The following SCAI variants were observed in gnomAD, a reference collection of about 807,000 sequenced individuals.
SCAI encodes the protein protein SCAI.
SCAI carries 24 observed loss-of-function variants against 92.2 expected under a neutral mutation model. That is an observed-to-expected ratio of 0.26 (90% CI 0.19 to 0.37). The LOEUF (loss-of-function observed/expected upper bound fraction) is 0.37. Ranked by LOEUF, SCAI falls within the 10% of genes least tolerant of loss-of-function variation. The pLI is 1.00. For missense variants in SCAI, 450 were observed against 736.2 expected (o/e 0.61, Z 4.50); for synonymous variants, 261 against 258.6 (o/e 1.01, Z -0.09).
At chr9:125,006,480 ACATTCATT>A (rs144230376) in intron 9 of SCAI, among the ~76,000 whole-genome samples, 4 of 152,320 alleles carry the variant, frequency 2.6e-5, no homozygotes, top group South Asian at 4.1e-4. Flanking sequence ...ATAACCTAAT[ACATTCATT>A]CATTCATTCA....
intron 14 of SCAI, among the ~76,000 whole-genome samples, chr9:124,989,513 G>A (rs903962402): frequency 3.3e-5 from 5 of 151,984 alleles, no homozygotes; most frequent in Admixed American, 2.0e-4. Context: ...CCTGGGAGGC[G>A]GAGGTTGCAG....
At chr9:125,044,480 G>A (rs1364845381) in intron 3 of SCAI, among the ~76,000 whole-genome samples, 1 of 152,080 alleles carries the variant, frequency 6.6e-6, no homozygotes, top group Non-Finnish European at 1.5e-5. Context: ...TCTCTGCTAA[G>A]AGCTGGACAC....
intron 9 of SCAI, among the ~76,000 whole-genome samples, chr9:125,010,752 C>T (rs1031512846): frequency 6.6e-6 from 1 of 152,206 alleles, no homozygotes; most frequent in African/African-American, 2.4e-5. Context: ...CTGACCCCGA[C>T]CCCTGAGCAG....
chr9:125,053,535 A>G (rs940136242), intron 3 of SCAI, among the ~76,000 whole-genome samples: 3 of 152,230 alleles, frequency 2.0e-5, no homozygotes, highest in Admixed American at 2.0e-4. Context: ...ACATTATGTT[A>G]ACAAAAGATG....
At position 125,024,153 on chromosome 9, in the gene SCAI, TTTTA is replaced by T. The variant is rs367597063; in HGVS notation, c.512+2655_512+2658del. Among the ~76,000 whole-genome samples, 237 of 152,250 alleles carry T rather than the reference TTTTA, an allele frequency of 1.6e-3. 3 individuals carry two copies. The highest frequency in any genetic ancestry group is 5.6e-3 in the East Asian group (29 of 5,160). On this transcript the variant is annotated intron_variant, in intron 6 of 17. Coordinates refer to ENST00000336505, the MANE Select transcript of SCAI (RefSeq NM_001144877.3). ...TTTTATTATTCACTTTCCCCCTACC[TTTTA>T]TTGTTTCTTCTGAACAATAAATGAC...
chr9:125,002,775 C>T (rs187841904), intron 11 of SCAI, among the ~76,000 whole-genome samples: 66 of 151,824 alleles, frequency 4.3e-4, no homozygotes, highest in Non-Finnish European at 7.7e-4. Context: ...TGAGCCACCA[C>T]GCCTGGCCAA....
intron 2 of SCAI, among the ~76,000 whole-genome samples, chr9:125,092,509 C>T (rs1336320420): frequency 6.6e-6 from 1 of 152,068 alleles, no homozygotes; most frequent in Non-Finnish European, 1.5e-5. Flanking sequence ...TCCACACATG[C>T]CCAGCCACAA....
At position 125,102,572 on chromosome 9, in the gene SCAI, TTC is replaced by T. The variant is rs139989827; in HGVS notation, c.98+40059_98+40060del. ...CTCAGCCTTCAAACATGCCAATTTT[TTC>T]TCTTACCAAAATGAAACAAACAAAC... On this transcript the variant is annotated intron_variant, in intron 2 of 17. Coordinates refer to ENST00000336505, the MANE Select transcript of SCAI (RefSeq NM_001144877.3). 8.1e-3 allele frequency among the ~76,000 whole-genome samples: 1,231 copies of T among 151,566 alleles called. 20 individuals are homozygous for T. Among genetic ancestry groups the T allele is most frequent in the African/African-American group, 0.028 (1,153 of 41,412 alleles).
rs1427315295 is a variant in SCAI, at chr9:124,947,233, T to C, written c.*5574A>G. 1 of 152,188 alleles carries C rather than the reference T, an allele frequency of 6.6e-6. No homozygotes were observed. Among genetic ancestry groups the C allele is most frequent in the African/African-American group, 2.4e-5 (1 of 41,442 alleles). The allele number at this position is 152,188 out of a possible 1,614,324, so 9.4% of individuals were successfully genotyped here. On this transcript the variant is annotated 3_prime_UTR_variant, in exon 18 of 18. Coordinates refer to ENST00000336505, the MANE Select transcript of SCAI (RefSeq NM_001144877.3). ...TTAAGCCCCAATATACATAATTTAC[T>C]ACTCAGTAATAATACTTAAATATGG... is the stretch of plus-strand genomic sequence containing the variant.
intron 2 of SCAI, among the ~76,000 whole-genome samples, chr9:125,137,009 G>A (rs563263608): frequency 2.8e-4 from 43 of 151,668 alleles, no homozygotes; most frequent in African/African-American, 4.4e-4. Flanking sequence ...CACCCGCCTC[G>A]GCCTCCCAAA....
intron 2 of SCAI, among the ~76,000 whole-genome samples, chr9:125,062,080 T>C (rs1027333811): frequency 1.3e-5 from 2 of 151,954 alleles, no homozygotes; most frequent in African/African-American, 4.8e-5. Flanking sequence ...GTGACAAAAA[T>C]AATAATTTAT....
At chr9:125,048,713 C>A (rs968750975) in intron 3 of SCAI, among the ~76,000 whole-genome samples, 11 of 32,744 alleles carry the variant, frequency 3.4e-4, no homozygotes, top group Non-Finnish European at 6.4e-4. Flanking sequence ...ATACTGGGAG[C>A]ATATTTATTT....
intron 2 of SCAI, among the ~76,000 whole-genome samples, chr9:125,098,317 A>G (rs1242872025): frequency 6.6e-6 from 1 of 152,124 alleles, no homozygotes; most frequent in Non-Finnish European, 1.5e-5. Flanking sequence ...TCGGCTTCCC[A>G]AAGTGCTGGG....
At chr9:125,034,906 T>C (rs1285400396) in intron 3 of SCAI, among the ~76,000 whole-genome samples, 2 of 152,234 alleles carry the variant, frequency 1.3e-5, no homozygotes, top group Non-Finnish European at 2.9e-5. Flanking sequence ...TACATAGTTA[T>C]ATGTCAAAAT....
intron 2 of SCAI, among the ~76,000 whole-genome samples, chr9:125,085,718 A>G (rs771218750): frequency 1.3e-5 from 2 of 152,128 alleles, no homozygotes; most frequent in Non-Finnish European, 2.9e-5. Context: ...GAGGCTGAGA[A>G]TGCAGTGAGC....
intron 2 of SCAI, among the ~76,000 whole-genome samples, chr9:125,128,863 G>A (rs1035246606): frequency 5.9e-5 from 9 of 151,784 alleles, no homozygotes; most frequent in African/African-American, 1.7e-4. Flanking sequence ...AGGAGTTCAC[G>A]ACCAGCCTGG....
At chr9:125,044,097 C>T (rs918310722) in intron 3 of SCAI, among the ~76,000 whole-genome samples, 1 of 152,168 alleles carries the variant, frequency 6.6e-6, no homozygotes, top group East Asian at 1.9e-4. Flanking sequence ...AGCCTGGGAC[C>T]TGTCACAACT....
chr9:125,065,854 A>C (rs1336489317), intron 2 of SCAI: 13 of 583,840 alleles, frequency 2.2e-5, no homozygotes, highest in African/African-American at 2.2e-4. Flanking sequence ...CAACAGATGC[A>C]CAACTCACAT....
At chr9:125,021,755 T>C (rs966686000) in intron 6 of SCAI, among the ~76,000 whole-genome samples, 8 of 152,296 alleles carry the variant, frequency 5.3e-5, no homozygotes, top group African/African-American at 1.7e-4. Flanking sequence ...AATGTGTCTA[T>C]TGATTGACAA....
Sources: allele counts gnomAD v4.1 joint callset (sites outside exome capture counted in the v4.1 genomes callset), GRCh38; gene constraint gnomAD v4.1.1; transcripts MANE v1.5; gene names NCBI Gene and HGNC (gene_info 2026-07-23, HGNC 2026-07-21).